Variants in TAB2 observed in about 807,000 individuals in gnomAD.
The protein encoded by TAB2 is TGF-beta-activated kinase 1 and MAP3K7-binding protein 2.
Under a neutral mutation model 65.0 loss-of-function variants are expected in TAB2, and 3 were observed. The ratio of observed to expected loss-of-function variants is 0.05; its 90% CI spans 0.02 to 0.12. The LOEUF (loss-of-function observed/expected upper bound fraction) is 0.12, where lower values mean the gene tolerates loss of function less well. Ranked by LOEUF, TAB2 falls within the 10% of genes least tolerant of loss-of-function variation. The pLI is 1.00. For missense variants in TAB2, 623 were observed against 840.3 expected, an observed-to-expected ratio of 0.74 and a Z score of 3.20; for synonymous variants, 298 against 285.1, an observed-to-expected ratio of 1.05 and a Z score of -0.46.
At chr6:149,252,564 T>G (rs1311330821) in intron 1 of TAB2, among the ~76,000 whole-genome samples, 1 of 152,228 alleles carries the variant, frequency 6.6e-6, no homozygotes, top group Non-Finnish European at 1.5e-5. Context: ...ATTTAAAAAC[T>G]TTGGTATTTT....
At chr6:149,227,806 C>T (rs576597589) in intron 1 of TAB2, among the ~76,000 whole-genome samples, 60 of 152,178 alleles carry the variant, frequency 3.9e-4, no homozygotes, top group Middle Eastern at 3.4e-3. Flanking sequence ...TGGGAGTGGT[C>T]GCCTTGATCA....
intron 1 of TAB2, among the ~76,000 whole-genome samples, chr6:149,262,163 G>C (rs1316372114): frequency 6.6e-6 from 1 of 152,200 alleles, no homozygotes; most frequent in African/African-American, 2.4e-5. Context: ...AGAAGATGAT[G>C]AGGCTCTCAA....
intron 1 of TAB2, among the ~76,000 whole-genome samples, chr6:149,221,940 A>G (rs1406106068): frequency 2.6e-5 from 4 of 152,162 alleles, no homozygotes; most frequent in Non-Finnish European, 5.9e-5. Context: ...TGTCGACTTG[A>G]CTGGACTAAA....
chr6:149,356,693 A>G (rs1260465156), intron 1 of TAB2, among the ~76,000 whole-genome samples: 1 of 152,190 alleles, frequency 6.6e-6, no homozygotes, highest in Non-Finnish European at 1.5e-5. Context: ...GATGTCACAT[A>G]CGAATTTTGA....
intron 1 of TAB2, among the ~76,000 whole-genome samples, chr6:149,284,731 G>T (rs540780698): frequency 1.3e-4 from 19 of 151,378 alleles, no homozygotes; most frequent in African/African-American, 4.6e-4. Context: ...ATGGGCAGTT[G>T]CCTGAAGGGC....
intron 1 of TAB2, among the ~76,000 whole-genome samples, chr6:149,367,497 GTAGA>G (rs1781077947): frequency 6.6e-6 from 1 of 152,122 alleles, no homozygotes; most frequent in Admixed American, 6.6e-5. Flanking sequence ...TAGAGGGGTG[GTAGA>G]TAGCCAGGGG....
intron 6 of TAB2, among the ~76,000 whole-genome samples, chr6:149,402,399 A>AAG (rs1462209773): frequency 6.6e-5 from 10 of 152,126 alleles, no homozygotes; most frequent in Non-Finnish European, 7.4e-5. Flanking sequence ...GAAGAATTAG[A>AAG]AAGACTGAGT....
chr6:149,396,223 G>A (rs1347681540), intron 3 of TAB2, among the ~76,000 whole-genome samples: 1 of 152,140 alleles, frequency 6.6e-6, no homozygotes, highest in Non-Finnish European at 1.5e-5. Context: ...TCACCATGTT[G>A]GCCAGTCTGG....
chr6:149,235,044 G>A (rs1777471348), intron 1 of TAB2, among the ~76,000 whole-genome samples: 1 of 152,204 alleles, frequency 6.6e-6, no homozygotes, highest in Non-Finnish European at 1.5e-5. Flanking sequence ...TAGAAAGCCA[G>A]GAGGTTTATA....
At chr6:149,325,471 T>C (rs928065969) in intron 1 of TAB2, among the ~76,000 whole-genome samples, 2 of 152,198 alleles carry the variant, frequency 1.3e-5, no homozygotes, top group African/African-American at 4.8e-5. Context: ...TAGACCAAGA[T>C]GAAACAAACA....
rs186210981 is a variant in TAB2 at position 149,239,171 on chromosome 6, T to G, written c.-121+20395T>G. Among the ~76,000 whole-genome samples the G allele has an allele frequency of 5.3e-5, 8 of 152,330 alleles. No homozygotes were observed. In the East Asian group the frequency reaches 1.5e-3, roughly 29 times the overall value. The stretch of plus-strand genomic sequence containing the variant: ...TGCAGATACCACACAGGCAGAGCAT[T>G]TGTGCTTCCAATGAGGCTGGCATGT... On this transcript the variant is annotated intron_variant, in intron 1 of 1. Transcript: ENST00000606202.
intron 1 of TAB2, among the ~76,000 whole-genome samples, chr6:149,296,018 C>T (rs1037000463): frequency 6.6e-6 from 1 of 152,234 alleles, no homozygotes; most frequent in African/African-American, 2.4e-5. Context: ...GATCTGCCCA[C>T]CTCGGCCTCC....
intron 6 of TAB2, among the ~76,000 whole-genome samples, chr6:149,403,343 C>T (rs981170624): frequency 0.016 from 398 of 24,174 alleles, 13 homozygotes; most frequent in African/African-American, 0.083. Context: ...TATATATACA[C>T]ACACACACAC....
At chr6:149,346,174 C>G (rs1213398259) in intron 1 of TAB2, among the ~76,000 whole-genome samples, 1 of 152,080 alleles carries the variant, frequency 6.6e-6, no homozygotes, top group Non-Finnish European at 1.5e-5. Context: ...AACTCTGATA[C>G]TTTATTAGTA....
chr6:149,337,612 A>G (rs1456049231), intron 1 of TAB2, among the ~76,000 whole-genome samples: 1 of 152,242 alleles, frequency 6.6e-6, no homozygotes, highest in Non-Finnish European at 1.5e-5. Flanking sequence ...TTAGCTCACA[A>G]TTGTAGATAA....
In TAB2 at chr6:149,227,872, T is replaced by G. The variant is rs192285205; in HGVS notation, c.-121+9096T>G. ...GTTGTTTATACTTGGTCTCCTTACT[T>G]TCTGTGTGTGTTTGAAACTCTTCAT... On this transcript the variant is annotated intron_variant, in intron 1 of 1. Coordinates refer to the TAB2 transcript ENST00000606202. Among the ~76,000 whole-genome samples the G allele has an allele frequency of 9.1e-3, 1,383 of 152,312 alleles. 21 individuals are homozygous for G. Among genetic ancestry groups the G allele is most frequent in the African/African-American group, 0.032 (1,321 of 41,542 alleles).
intron 1 of TAB2, among the ~76,000 whole-genome samples, chr6:149,324,226 A>C (rs1341089176): frequency 1.3e-5 from 2 of 152,158 alleles, no homozygotes; most frequent in Non-Finnish European, 2.9e-5. Flanking sequence ...GAGAAGCAGC[A>C]AGAGTATAGG....
intron 1 of TAB2, among the ~76,000 whole-genome samples, chr6:149,312,483 C>A (rs1243246765): frequency 6.6e-6 from 1 of 152,196 alleles, no homozygotes; most frequent in Non-Finnish European, 1.5e-5. Context: ...ATGCCTCAGC[C>A]TCCTGAGTAG....
In TAB2 at chr6:149,400,440, CAT is replaced by C. The variant is rs759439532; in HGVS notation, c.1939+1259_1939+1260del. ...AGAAGTCAAGACTGAGAACAACAAT[CAT>C]ATTAATTTGAAGGTGGCGGGACAGG... On this transcript the variant is annotated intron_variant, in intron 6 of 6. Transcript: ENST00000637181. 17 of 1,614,098 alleles carry C rather than the reference CAT, an allele frequency of 1.1e-5. No individual in the cohort carries two copies. The East Asian group carries it at 2.4e-4, about 23-fold the overall frequency.
Sources: allele counts gnomAD v4.1 joint callset (sites outside exome capture counted in the v4.1 genomes callset), GRCh38; gene constraint gnomAD v4.1.1; transcripts MANE v1.5; gene names NCBI Gene and HGNC (gene_info 2026-07-23, HGNC 2026-07-21).